The following ATP10B variants were observed in gnomAD, a reference collection of about 807,000 sequenced individuals.
ATP10B encodes the protein ATPase phospholipid transporting 10B (putative).
ATP10B carries 122 observed loss-of-function variants against 141.2 expected under a neutral mutation model. The ratio of observed to expected loss-of-function variants is 0.86; its 90% confidence interval spans 0.75 to 1.00. The LOEUF is 1.00. Among genes scored for constraint, ATP10B ranks in the 50% least tolerant of loss-of-function variants. The probability of loss-of-function intolerance (pLI) is 0.00; values close to 1 mark genes in which losing one functional copy is unlikely to be tolerated. For missense variants in ATP10B, 1,876 were observed against 1,825.3 expected, an observed-to-expected ratio of 1.03 and a Z score of -0.51; for synonymous variants, 685 against 692.0, an observed-to-expected ratio of 0.99 and a Z score of 0.16.
At chr5:160,665,240 T>A (rs1762255988) in intron 7 of ATP10B, among the ~76,000 whole-genome samples, 1 of 152,238 alleles carries the variant, frequency 6.6e-6, no homozygotes, top group Non-Finnish European at 1.5e-5. Flanking sequence ...ATCTGCAATG[T>A]CATGGGAGAA....
At chr5:160,754,897 C>T (rs931894460) in intron 2 of ATP10B, among the ~76,000 whole-genome samples, 2 of 152,146 alleles carry the variant, frequency 1.3e-5, no homozygotes, top group Non-Finnish European at 2.9e-5. Context: ...CATTTTTCTA[C>T]GGTTTTATTG....
the ATP10B span, among the ~76,000 whole-genome samples, chr5:160,887,384 A>T: frequency 6.6e-6 from 1 of 152,186 alleles, no homozygotes; most frequent in Non-Finnish European, 1.5e-5. Flanking sequence ...TACCTCTTCA[A>T]CACAAATTTT....
intron 2 of ATP10B, among the ~76,000 whole-genome samples, chr5:160,749,355 A>G: frequency 6.6e-6 from 1 of 152,168 alleles, no homozygotes; most frequent in Non-Finnish European, 1.5e-5. Context: ...CTTCCCAGAG[A>G]GAGCTAGACA....
chr5:160,760,920 T>C (rs1293580007), intron 2 of ATP10B, among the ~76,000 whole-genome samples: 1 of 152,058 alleles, frequency 6.6e-6, no homozygotes, highest in Non-Finnish European at 1.5e-5. Flanking sequence ...AAACTGATGG[T>C]TTTTCTCTAC....
chr5:160,778,627 G>A (rs1369416947), intron 2 of ATP10B, among the ~76,000 whole-genome samples: 1 of 152,118 alleles, frequency 6.6e-6, no homozygotes, highest in Non-Finnish European at 1.5e-5. Flanking sequence ...CCACTGTGGT[G>A]TGAATAAAAT....
At chr5:160,914,654 A>G in the ATP10B span, among the ~76,000 whole-genome samples, 1 of 152,170 alleles carries the variant, frequency 6.6e-6, no homozygotes, top group Admixed American at 6.6e-5. Context: ...TGGAACCTGC[A>G]TATGTAGAGG....
the ATP10B span, among the ~76,000 whole-genome samples, chr5:160,915,346 T>A: frequency 6.6e-6 from 1 of 151,892 alleles, no homozygotes; most frequent in Non-Finnish European, 1.5e-5. Flanking sequence ...CTTTTTTTTT[T>A]TTTGAGATGG....
chr5:160,898,732 C>G, the ATP10B span, among the ~76,000 whole-genome samples: 2 of 152,170 alleles, frequency 1.3e-5, no homozygotes, highest in Admixed American at 6.5e-5. Context: ...GTAGCAAAGA[C>G]TTGGAACCAA....
At position 160,735,203 on chromosome 5, in the gene ATP10B, A is replaced by C. The variant is rs1352974766; in HGVS notation, c.-330-18169T>G. Among the ~76,000 whole-genome samples the C allele has an allele frequency of 2.0e-5, 3 of 151,822 alleles. No homozygotes were observed. The South Asian group carries it at 6.2e-4, about 31-fold the overall frequency. On this transcript the variant is annotated intron_variant, in intron 2 of 25. Transcript: ENST00000327245. ...ATGGACTAAAATCTCTAATCAAAAA[A>C]CATACAGGGCCTGAATGGACTAAAA...
In ATP10B at chr5:160,653,917, T is replaced by A. The variant is rs372835662; in HGVS notation, c.676-4661A>T. Among the ~76,000 whole-genome samples, 2 of 648 alleles carry A rather than the reference T, an allele frequency of 3.1e-3. 1 individual carries two copies. The highest frequency in any genetic ancestry group is 0.25 in the East Asian group (2 of 8). The allele number at this position is 648 out of a possible 152,430, so 0.4% of individuals were successfully genotyped here. A position where few individuals can be genotyped will look rare whatever the true frequency, so the allele number is the denominator to read the frequency against. Reference sequence around the variant, plus strand: ...TATGTAGTATATACGTATATACATATATAAATATGTTGTATATACGTATAT... The same window carrying A: ...TATGTAGTATATACGTATATACATAAATAAATATGTTGTATATACGTATAT... On this transcript the variant is annotated intron_variant, in intron 7 of 25. Coordinates refer to ENST00000327245, the MANE Select transcript of ATP10B (RefSeq NM_025153.3).
intron 7 of ATP10B, among the ~76,000 whole-genome samples, chr5:160,655,932 C>G (rs571532780): frequency 6.6e-6 from 1 of 152,152 alleles, no homozygotes; most frequent in Non-Finnish European, 1.5e-5. Context: ...TCTTTGAGAG[C>G]GAAGGAAAGT....
At position 160,671,969 on chromosome 5, in the gene ATP10B, CTTTT is replaced by C. The variant is rs70990741; in HGVS notation, c.471-1306_471-1303del. 5.3e-3 allele frequency among the ~76,000 whole-genome samples: 363 copies of C among 68,400 alleles called. 11 individuals are homozygous for C. In the East Asian group the frequency reaches 0.11, roughly 21 times the overall value. The allele number at this position is 68,400 out of a possible 152,430, so 44.9% of individuals were successfully genotyped here. A position where few individuals can be genotyped will look rare whatever the true frequency, so the allele number is the denominator to read the frequency against. ...TCCCCACTTCTCAAGGCAATGCATC[CTTTT>C]TTTTTTTTTTTTTTTTTTTTTGAGA... On this transcript the variant is annotated intron_variant, in intron 6 of 25. Coordinates refer to ENST00000327245, the MANE Select transcript of ATP10B (RefSeq NM_025153.3).
At chr5:160,853,526 G>A (rs1330319144), upstream of ATP10B, among the ~76,000 whole-genome samples, 2 of 152,238 alleles carry the variant, frequency 1.3e-5, no homozygotes, top group Middle Eastern at 3.4e-3. Flanking sequence ...TTCCATCACT[G>A]GTCTTTCTCC....
chr5:160,763,875 G>A (rs1029418511), intron 2 of ATP10B, among the ~76,000 whole-genome samples: 14 of 152,112 alleles, frequency 9.2e-5, no homozygotes, highest in African/African-American at 3.4e-4. Flanking sequence ...GATGGGGGAC[G>A]TTACAACTGT....
intron 7 of ATP10B, among the ~76,000 whole-genome samples, chr5:160,649,891 G>A (rs1760582452): frequency 6.6e-6 from 1 of 152,040 alleles, no homozygotes; most frequent in East Asian, 1.9e-4. Context: ...GCTGAGGCAG[G>A]CAGATCACCT....
chr5:160,731,795 C>T (rs576421907), intron 2 of ATP10B, among the ~76,000 whole-genome samples: 11 of 152,220 alleles, frequency 7.2e-5, no homozygotes, highest in Non-Finnish European at 8.8e-5. Context: ...TATGCATGGA[C>T]GAGGCTCAAA....
intron 3 of ATP10B, among the ~76,000 whole-genome samples, chr5:160,693,233 A>G (rs1193740486): frequency 6.6e-6 from 1 of 152,176 alleles, no homozygotes; most frequent in Non-Finnish European, 1.5e-5. Flanking sequence ...ATTATTGGAC[A>G]ATGGGCAAAA....
intron 1 of ATP10B, among the ~76,000 whole-genome samples, chr5:160,823,031 T>C (rs1284741358): frequency 8.3e-6 from 1 of 119,822 alleles, no homozygotes; most frequent in African/African-American, 3.1e-5. Flanking sequence ...TATATATATA[T>C]ATATAAAATA....
intron 1 of ATP10B, among the ~76,000 whole-genome samples, chr5:160,835,142 T>TA (rs1051316601): frequency 2.4e-4 from 36 of 149,288 alleles, no homozygotes; most frequent in East Asian, 5.9e-4. Context: ...TCAGCAAGAT[T>TA]AAAAAAAAAA....
Sources: allele counts gnomAD v4.1 joint callset (sites outside exome capture counted in the v4.1 genomes callset), GRCh38; gene constraint gnomAD v4.1.1; transcripts MANE v1.5; gene names NCBI Gene and HGNC (gene_info 2026-07-23, HGNC 2026-07-21).